Variants in ELFN1 observed in about 807,000 individuals in gnomAD.
ELFN1 encodes the protein protein ELFN1.
A neutral mutation model predicts 7.6 loss-of-function variants in ELFN1; 6 were observed. The observed-to-expected ratio is 0.79, with a 90% CI of 0.43 to 1.56. The LOEUF (loss-of-function observed/expected upper bound fraction) is 1.56, where lower values mean the gene tolerates loss of function less well. Among genes scored for constraint, ELFN1 ranks in the 40% most tolerant of loss-of-function variants. ELFN1 has a pLI of 0.01. For missense variants in ELFN1, 1,169 were observed against 1,232.2 expected, an observed-to-expected ratio of 0.95 and a Z score of 0.77; for synonymous variants, 657 against 588.1, an observed-to-expected ratio of 1.12 and a Z score of -1.70.
At chr7:1,718,968 C>T (rs1364336258) in intron 3 of ELFN1, among the ~76,000 whole-genome samples, 1 of 152,124 alleles carries the variant, frequency 6.6e-6, no homozygotes, top group East Asian at 1.9e-4. Context: ...AGGCTGGAAA[C>T]GTGAGCTTCC....
rs1780854462 is a variant in ELFN1 at position 1,747,934 on chromosome 7, A to G, written c.*851A>G. On this transcript the variant is annotated 3_prime_UTR_variant, in exon 4 of 4. Coordinates refer to ENST00000424383, the MANE Select transcript of ELFN1 (RefSeq NM_001128636.4). The stretch of plus-strand genomic sequence containing the variant: ...CTACTTAAAAAAAAATCTGCAAAGG[A>G]AAACAAATCAAATGCTTGTTTGTCC... 4 of 165,632 alleles carry G rather than the reference A, an allele frequency of 2.4e-5. No individual in the cohort carries two copies. The allele number at this position is 165,632 out of a possible 1,614,324, so 10.3% of individuals were successfully genotyped here.
At chr7:1,733,568 G>A (rs1193970986) in intron 3 of ELFN1, among the ~76,000 whole-genome samples, 1 of 152,054 alleles carries the variant, frequency 6.6e-6, no homozygotes, top group African/African-American at 2.4e-5. Context: ...GAGCAAACCG[G>A]GCTGGGCCAC....
upstream of ELFN1, among the ~76,000 whole-genome samples, chr7:1,667,861 C>G (rs1778693462): frequency 6.7e-6 from 1 of 149,298 alleles, no homozygotes; most frequent in Non-Finnish European, 1.5e-5. This position sits in a 1 kb window ranked among gnomAD's most constrained non-coding sequence, Gnocchi z 8.2. Flanking sequence ...CGCCGGCGTC[C>G]GGGTAACAGC....
intron 2 of ELFN1, chr7:1,693,249 AGACGTGG>A (rs1779211955): frequency 4.7e-6 from 2 of 427,830 alleles, no homozygotes; most frequent in Non-Finnish European, 9.9e-6. Flanking sequence ...AGAGTCCAGC[AGACGTGG>A]GGTTAGGAAG....
In ELFN1 at chr7:1,735,201, C is replaced by T. The variant is rs562748052; in HGVS notation, c.-293-9103C>T. Among the ~76,000 whole-genome samples, 8 of 152,232 alleles carry T rather than the reference C, an allele frequency of 5.3e-5. No homozygotes were observed. Among genetic ancestry groups the T allele is most frequent in the African/African-American group, 1.2e-4 (5 of 41,546 alleles). ...GAGGTGCTGCACACCGGCGGACCGT[C>T]GAGGAAACAGGAGCTTTTCTCTGTT... On this transcript the variant is annotated intron_variant, in intron 3 of 3. Coordinates refer to ENST00000424383, the MANE Select transcript of ELFN1 (RefSeq NM_001128636.4). This position sits in a 1 kb window ranked among gnomAD's most constrained non-coding sequence, Gnocchi z 5.9.
chr7:1,746,733 G>C lies in ELFN1; in HGVS notation c.2137G>C (p.Ala713Pro), dbSNP rs1583413440. ...HRHSYPGSHP[A>P]EPPAPPGPPP... The stretch of plus-strand genomic sequence containing the variant: ...GCACTCGTACCCCGGCTCCCACCCG[G>C]CCGAGCCACCTGCGCCCCCCGGGCC... Residue 713 changes from alanine to proline, a missense_variant, in exon 4 of 4, where the codon GCC (alanine) becomes CCC (proline). By Grantham distance (27) the Ala-to-Pro change is conservative. Transcript: ENST00000424383. 4.0e-6 allele frequency: 6 copies of C among 1,484,286 alleles called. No homozygotes were observed. In the African/African-American group the frequency reaches 8.8e-5, roughly 22 times the overall value. 91.9% of individuals were successfully genotyped at this position (1,484,286 alleles called of 1,614,324 possible). A position where few individuals can be genotyped will look rare whatever the true frequency, so the allele number is the denominator to read the frequency against.
In ELFN1 at chr7:1,709,153, T is replaced by G. The variant is rs978687968; in HGVS notation, c.-393T>G. 5 of 152,260 alleles carry G rather than the reference T, an allele frequency of 3.3e-5. No homozygotes were observed. Among genetic ancestry groups the G allele is most frequent in the African/African-American group, 1.2e-4 (5 of 41,456 alleles). The allele number at this position is 152,260 out of a possible 1,614,324, so 9.4% of individuals were successfully genotyped here. A position where few individuals can be genotyped will look rare whatever the true frequency, so the allele number is the denominator to read the frequency against. On this transcript the variant is annotated 5_prime_UTR_variant, in exon 3 of 4. Transcript: ENST00000424383. ...TCCGGACCCAGGCTGTCCTTCTGTGTGCTGGAATGAGGCGAACATGTCTTT... is the reference window on the plus strand; with the variant it reads ...TCCGGACCCAGGCTGTCCTTCTGTGGGCTGGAATGAGGCGAACATGTCTTT...
chr7:1,707,668 T>C (rs1337687045), intron 2 of ELFN1, among the ~76,000 whole-genome samples: 1 of 152,266 alleles, frequency 6.6e-6, no homozygotes, highest in Non-Finnish European at 1.5e-5. Flanking sequence ...TCAACCTCAT[T>C]AGCATATTCA....
rs113308645 is a variant in ELFN1, at chr7:1,671,170, G to GCCCCC, written c.-549+823_-549+827dup. On this transcript the variant is annotated intron_variant, in intron 1 of 3. Transcript: ENST00000424383. The stretch of plus-strand genomic sequence containing the variant: ...GGCACTGCCTGCCGTACCGCACACC[G>GCCCCC]CCCCCCCCCCCATAAAAACGACACC... Among the ~76,000 whole-genome samples the GCCCCC allele has an allele frequency of 9.4e-5, 13 of 138,250 alleles. 1 individual carries two copies. In the East Asian group the frequency reaches 1.2e-3, roughly 13 times the overall value. The allele number at this position is 138,250 out of a possible 152,430, so 90.7% of individuals were successfully genotyped here. A position where few individuals can be genotyped will look rare whatever the true frequency, so the allele number is the denominator to read the frequency against.
chr7:1,678,857 TG>T (rs932141377), intron 1 of ELFN1, among the ~76,000 whole-genome samples: 26 of 152,172 alleles, frequency 1.7e-4, no homozygotes, highest in African/African-American at 5.6e-4. Flanking sequence ...ATCGGGAGTG[TG>T]GGGTGCGGGC....
At chr7:1,692,643 G>A (rs551277614) in intron 2 of ELFN1, among the ~76,000 whole-genome samples, 23 of 152,248 alleles carry the variant, frequency 1.5e-4, no homozygotes, top group Non-Finnish European at 1.6e-4. Context: ...CAGGGCCAGC[G>A]GCCCACCTGC....
chr7:1,679,823 C>T (rs1350526950), intron 1 of ELFN1, among the ~76,000 whole-genome samples: 2 of 152,204 alleles, frequency 1.3e-5, no homozygotes, highest in East Asian at 1.9e-4. Flanking sequence ...CCATTGCGGG[C>T]GTGGTGTCCC....
intron 2 of ELFN1, among the ~76,000 whole-genome samples, chr7:1,706,962 CTGTG>C (rs1341609530): frequency 6.6e-6 from 1 of 152,240 alleles, no homozygotes; most frequent in African/African-American, 2.4e-5. Flanking sequence ...GTGCATGCCT[CTGTG>C]TGCGCATGCA....
chr7:1,704,070 C>T lies in ELFN1; in HGVS notation c.-455-5021C>T, dbSNP rs141914684. Among the ~76,000 whole-genome samples the T allele has an allele frequency of 4.1e-3, 619 of 152,308 alleles. 4 individuals are homozygous for T. Among genetic ancestry groups the T allele is most frequent in the Middle Eastern group, 0.014 (4 of 294 alleles). ...AATAAAGCTGGAGTTTCCACCTCCT[C>T]GTGGGGCTGGAGGATGGTTCTGCAA... On this transcript the variant is annotated intron_variant, in intron 2 of 3. Coordinates refer to ENST00000424383, the MANE Select transcript of ELFN1 (RefSeq NM_001128636.4).
At chr7:1,680,313 C>T (rs532676412) in intron 1 of ELFN1, among the ~76,000 whole-genome samples, 17 of 152,258 alleles carry the variant, frequency 1.1e-4, no homozygotes, top group Middle Eastern at 3.4e-3. Context: ...CCCAAGGTCA[C>T]GGGGAGATCC....
At chr7:1,690,659 GTGGGTGGA>G (rs953081087) in intron 2 of ELFN1, among the ~76,000 whole-genome samples, 21 of 147,904 alleles carry the variant, frequency 1.4e-4, no homozygotes, top group African/African-American at 2.0e-4. Context: ...GGGTGGAGAG[GTGGGTGGA>G]TGGGTGGATG....
chr7:1,670,350 G>A lies in ELFN1; in HGVS notation c.-553G>A, dbSNP rs1047377639. 3.3e-5 allele frequency among the ~76,000 whole-genome samples: 5 copies of A among 151,864 alleles called. No individual in the cohort carries two copies. The highest frequency in any genetic ancestry group is 3.3e-4 in the Admixed American group (5 of 15,264). On this transcript the variant is annotated 5_prime_UTR_variant, in exon 1 of 4. Coordinates refer to ENST00000424383, the MANE Select transcript of ELFN1 (RefSeq NM_001128636.4). The surrounding 1 kb of genome is among the most constrained non-coding windows in gnomAD (Gnocchi z 6.4). ...GCAGCCCCGGAACCGAGGCCGGGCG[G>A]GCAGGTAAGCGGCGAGCGCGGCCGG...
At position 1,707,077 on chromosome 7, in the gene ELFN1, G is replaced by A. The variant is rs115326556; in HGVS notation, c.-455-2014G>A. On this transcript the variant is annotated intron_variant, in intron 2 of 3. Transcript: ENST00000424383. The stretch of plus-strand genomic sequence containing the variant: ...TGTACACTCACAGTCTGCTTGCGAC[G>A]GTAATGGAGAGTGAAAAGCTCCAGG... 7.5e-3 allele frequency among the ~76,000 whole-genome samples: 1,142 copies of A among 152,316 alleles called. 19 individuals carry two copies. The highest frequency in any genetic ancestry group is 0.026 in the African/African-American group (1,082 of 41,538).
intron 3 of ELFN1, among the ~76,000 whole-genome samples, chr7:1,711,619 A>AGAGAGG (rs1779659647): frequency 7.2e-6 from 1 of 138,060 alleles, no homozygotes; most frequent in African/African-American, 3.1e-5. Flanking sequence ...AGAGAGAGAG[A>AGAGAGG]GAGAGAGAAT....
Sources: gnomAD v4.1 joint callset for allele counts (sites outside exome capture counted in the v4.1 genomes callset) on GRCh38, gnomAD v4.1.1 for gene constraint, Gnocchi (gnomAD v3.1) non-coding constraint, MANE v1.5 for transcripts, NCBI Gene and HGNC (gene_info 2026-07-23, HGNC 2026-07-21) for gene names.